The following CSGALNACT1 variants were observed in gnomAD, a reference collection of about 807,000 sequenced individuals.
The protein encoded by CSGALNACT1 is beta4GalNAcT-1.
CSGALNACT1 carries 52 observed loss-of-function variants against 51.0 expected under a neutral mutation model. That is an observed-to-expected ratio of 1.02 (90% CI 0.82 to 1.29). CSGALNACT1 has a LOEUF of 1.29. Ranked by LOEUF, CSGALNACT1 falls within the 50% of genes most tolerant of loss-of-function variation. The pLI is 0.00. For synonymous variants in CSGALNACT1, 341 were observed against 254.4 expected (o/e 1.34, Z -3.24); for missense variants, 935 against 679.2 (o/e 1.38, Z -4.19).
intron 4 of CSGALNACT1, among the ~76,000 whole-genome samples, chr8:19,491,765 T>G (rs368800518): frequency 2.4e-4 from 37 of 152,368 alleles, no homozygotes; most frequent in African/African-American, 8.4e-4. Flanking sequence ...TAGCATTTCA[T>G]GTGTGTTTCG....
At chr8:19,431,228 C>A (rs1404848362) in intron 6 of CSGALNACT1, among the ~76,000 whole-genome samples, 1 of 152,160 alleles carries the variant, frequency 6.6e-6, no homozygotes, top group East Asian at 1.9e-4. Flanking sequence ...AAGCAGACAC[C>A]TTTGTCTTGT....
At chr8:19,684,367 T>G (rs2060849848), upstream of CSGALNACT1, among the ~76,000 whole-genome samples, 1 of 152,086 alleles carries the variant, frequency 6.6e-6, no homozygotes, top group Non-Finnish European at 1.5e-5. Flanking sequence ...ATTTGGAAAA[T>G]AACTATCTCT....
chr8:19,706,110 G>C (rs1203848914), intron 1 of CSGALNACT1, among the ~76,000 whole-genome samples: 1 of 152,154 alleles, frequency 6.6e-6, no homozygotes, highest in Non-Finnish European at 1.5e-5. Flanking sequence ...CAATCATACA[G>C]GGCCCTTACA....
At chr8:19,489,086 C>G (rs896832593) in intron 4 of CSGALNACT1, among the ~76,000 whole-genome samples, 1 of 152,052 alleles carries the variant, frequency 6.6e-6, no homozygotes, top group African/African-American at 2.4e-5. Context: ...ACCAGGGCAC[C>G]TAAGAAGGGT....
chr8:19,657,292 A>AACTGAAAGATAT (rs2058368832), intron 1 of CSGALNACT1, among the ~76,000 whole-genome samples: 1 of 149,380 alleles, frequency 6.7e-6, no homozygotes, highest in Non-Finnish European at 1.5e-5. Context: ...CTGAAAGATA[A>AACTGAAAGATAT]ACTGAAAGAT....
chr8:19,582,148 A>C (rs1038051295), intron 3 of CSGALNACT1, among the ~76,000 whole-genome samples: 2 of 152,182 alleles, frequency 1.3e-5, no homozygotes, highest in African/African-American at 4.8e-5. Context: ...CTTTCTCAGG[A>C]GGGCCGTGGC....
chr8:19,646,256 G>C (rs998409913), intron 1 of CSGALNACT1, among the ~76,000 whole-genome samples: 1 of 152,210 alleles, frequency 6.6e-6, no homozygotes, highest in East Asian at 1.9e-4. Flanking sequence ...GATCGTAAGA[G>C]AATTAGACAA....
At chr8:19,463,155 T>C (rs1200204938) in intron 4 of CSGALNACT1, among the ~76,000 whole-genome samples, 1 of 151,906 alleles carries the variant, frequency 6.6e-6, no homozygotes, top group Non-Finnish European at 1.5e-5. Context: ...ATGATTTCAT[T>C]CTTTTTTTCA....
At chr8:19,700,454 G>A (rs1410320703) in intron 1 of CSGALNACT1, among the ~76,000 whole-genome samples, 1 of 152,084 alleles carries the variant, frequency 6.6e-6, no homozygotes, top group Admixed American at 6.5e-5. Context: ...ATGGTACTAA[G>A]GTGTTTTTAT....
rs551830893 is a variant in CSGALNACT1, at chr8:19,506,814, T to C, written c.-296-684A>G. 7.3e-4 allele frequency among the ~76,000 whole-genome samples: 111 copies of C among 152,330 alleles called. 1 individual carries two copies. The highest frequency in any genetic ancestry group is 1.1e-3 in the Non-Finnish European group (75 of 68,024). Reference sequence around the variant, plus strand: ...CCATGAGTGGAAGCAGCCTGAGGCTTTCATCAGAAGCAGATGCTGGTGCCA... The same window carrying C: ...CCATGAGTGGAAGCAGCCTGAGGCTCTCATCAGAAGCAGATGCTGGTGCCA... On this transcript the variant is annotated intron_variant, in intron 3 of 9. Transcript: ENST00000454498.
Position 19,412,335 on chromosome 8 carries a change from T to A in CSGALNACT1, c.1228-3641A>T, listed in dbSNP as rs894194812. ...TGGACGATTCACGTGACAGGGATGATTATTTTCTATTAGGACCAAAACACA... is the reference window on the plus strand; with the variant it reads ...TGGACGATTCACGTGACAGGGATGAATATTTTCTATTAGGACCAAAACACA... On this transcript the variant is annotated intron_variant, in intron 8 of 9. Transcript: ENST00000454498. Among the ~76,000 whole-genome samples the A allele has an allele frequency of 2.6e-5, 4 of 152,168 alleles. No individual in the cohort carries two copies. The East Asian group carries it at 7.7e-4, about 29-fold the overall frequency.
At chr8:19,678,302 T>G (rs182500698) in intron 1 of CSGALNACT1, among the ~76,000 whole-genome samples, 116 of 152,298 alleles carry the variant, frequency 7.6e-4, no homozygotes, top group African/African-American at 2.2e-3. Flanking sequence ...AGAATTAGCA[T>G]GTAATACTGA....
exon 10 of CSGALNACT1, chr8:19,405,996 G>A (rs1356095690): frequency 6.2e-7 from 1 of 1,614,204 alleles, no homozygotes; most frequent in Admixed American, 1.7e-5. Context: ...CCACTATGAG[G>A]TTGCTGTGGA....
intron 4 of CSGALNACT1, among the ~76,000 whole-genome samples, chr8:19,498,802 C>A (rs1248185122): frequency 2.0e-5 from 3 of 152,170 alleles, no homozygotes; most frequent in Non-Finnish European, 2.9e-5. Flanking sequence ...CCAGGAAGAA[C>A]AGTGATATCT....
intron 1 of CSGALNACT1, among the ~76,000 whole-genome samples, chr8:19,675,273 T>G (rs1437581609): frequency 1.3e-5 from 2 of 152,296 alleles, no homozygotes; most frequent in African/African-American, 4.8e-5. Flanking sequence ...GAGTCAAATG[T>G]TGGCAAAGTA....
At chr8:19,556,981 CAA>C (rs1369093003) in intron 3 of CSGALNACT1, among the ~76,000 whole-genome samples, 60 of 105,436 alleles carry the variant, frequency 5.7e-4, no homozygotes, top group African/African-American at 7.8e-4. Context: ...TCTGCCCAGC[CAA>C]AAAAAAAAAA....
chr8:19,482,471 C>A (rs1051202213), intron 4 of CSGALNACT1, among the ~76,000 whole-genome samples: 11 of 152,232 alleles, frequency 7.2e-5, no homozygotes, highest in South Asian at 2.1e-4. Flanking sequence ...GCAATGACTT[C>A]TTCTGCTACA....
chr8:19,666,519 C>G (rs2059184234), intron 1 of CSGALNACT1, among the ~76,000 whole-genome samples: 1 of 151,590 alleles, frequency 6.6e-6, no homozygotes, highest in Non-Finnish European at 1.5e-5. Flanking sequence ...CATGATGAAA[C>G]CCTGTCTCTA....
chr8:19,443,245 C>T lies in CSGALNACT1; in HGVS notation c.852-3314G>A, dbSNP rs565576650. Among the ~76,000 whole-genome samples, 26 of 152,198 alleles carry T rather than the reference C, an allele frequency of 1.7e-4. 1 individual carries two copies. Among genetic ancestry groups the T allele is most frequent in the South Asian group, 6.2e-4 (3 of 4,820 alleles). ...TTATGTATATGTGTATGTATGTAAA[C>T]GCAGGTGTGTATGTGTAAATGTGAA... On this transcript the variant is annotated intron_variant, in intron 5 of 9. Coordinates refer to ENST00000454498, the Ensembl canonical transcript of CSGALNACT1.
Sources: gnomAD v4.1 joint callset for allele counts (sites outside exome capture counted in the v4.1 genomes callset) on GRCh38, gnomAD v4.1.1 for gene constraint, MANE v1.5 for transcripts, NCBI Gene and HGNC (gene_info 2026-07-23, HGNC 2026-07-21) for gene names.